Variants in DYNC2I1 observed in about 807,000 individuals in gnomAD.
DYNC2I1 encodes the protein dynein 2 intermediate chain 1.
In DYNC2I1, 89 loss-of-function variants were observed where a neutral mutation model predicts 133.4. That is an observed-to-expected ratio of 0.67 (90% confidence interval 0.56 to 0.80). The LOEUF is 0.80. DYNC2I1 is among the 30% of genes least tolerant of loss of function. The pLI, the probability that DYNC2I1 is intolerant of heterozygous loss-of-function variation, is 0.00. For synonymous variants in DYNC2I1, 504 were observed against 484.3 expected, an observed-to-expected ratio of 1.04 and a Z score of -0.54; for missense variants, 1,291 against 1,314.5, an observed-to-expected ratio of 0.98 and a Z score of 0.28.
At chr7:158,864,511 T>C (rs1842227608) in intron 1 of DYNC2I1, among the ~76,000 whole-genome samples, 1 of 152,134 alleles carries the variant, frequency 6.6e-6, no homozygotes, top group Non-Finnish European at 1.5e-5. Context: ...CGCTTTCCTC[T>C]GTTTATTTTT....
chr7:158,936,682 CTCAA>C (rs1850790534), intron 23 of DYNC2I1, among the ~76,000 whole-genome samples: 4 of 152,228 alleles, frequency 2.6e-5, no homozygotes, highest in Admixed American at 2.6e-4. Context: ...AAAGGAGGCA[CTCAA>C]TCAGAGTGGC....
intron 5 of DYNC2I1, among the ~76,000 whole-genome samples, chr7:158,880,923 T>G (rs993103092): frequency 6.6e-6 from 1 of 152,186 alleles, no homozygotes; most frequent in African/African-American, 2.4e-5. Context: ...AGTCAGGTGG[T>G]ATCTGAGGCT....
chr7:158,859,035 AC>A (rs1193300670), intron 1 of DYNC2I1, among the ~76,000 whole-genome samples: 1 of 115,842 alleles, frequency 8.6e-6, no homozygotes, highest in Non-Finnish European at 1.7e-5. Flanking sequence ...TTGCTCTTTC[AC>A]CCAAGTTGGA....
downstream of DYNC2I1, among the ~76,000 whole-genome samples, chr7:158,949,630 AGCAGGAGGT>A (rs1213065024): frequency 2.0e-5 from 2 of 98,756 alleles, no homozygotes; most frequent in African/African-American, 3.0e-5. Flanking sequence ...AGTTCAGCGG[AGCAGGAGGT>A]GCAGGCGGCG....
At chr7:158,868,159 A>C (rs2129477064) in intron 1 of DYNC2I1, among the ~76,000 whole-genome samples, 1 of 152,248 alleles carries the variant, frequency 6.6e-6, no homozygotes, top group East Asian at 1.9e-4. Context: ...AATCAGCTTG[A>C]CTTGTAAAGG....
At chr7:158,887,354 CAGAA>C (rs1844704084) in intron 7 of DYNC2I1, among the ~76,000 whole-genome samples, 1 of 152,136 alleles carries the variant, frequency 6.6e-6, no homozygotes, top group African/African-American at 2.4e-5. Flanking sequence ...GATTTTGAGA[CAGAA>C]AGTGTTACTA....
chr7:158,952,797 C>T (rs1050002442), intron 4 of DYNC2I1, among the ~76,000 whole-genome samples: 3 of 152,038 alleles, frequency 2.0e-5, no homozygotes, highest in Non-Finnish European at 4.4e-5. Context: ...AGACAGAATC[C>T]GCACCTTCAT....
At chr7:158,949,828 A>G (rs923305398), downstream of DYNC2I1, among the ~76,000 whole-genome samples, 4 of 151,640 alleles carry the variant, frequency 2.6e-5, no homozygotes, top group African/African-American at 9.7e-5. Context: ...CTGGAGTGCA[A>G]TGGCGCAATC....
At chr7:158,926,606 A>G in intron 19 of DYNC2I1, 143 bp downstream of exon 19, 1 of 941,792 alleles carries the variant, frequency 1.1e-6, no homozygotes, top group Non-Finnish European at 1.6e-6. Context: ...GGTCCTGAGC[A>G]GAAGGGATGC....
chr7:158,915,784 A>T lies in DYNC2I1; in HGVS notation c.1791+1463A>T, dbSNP rs1455831345. 4.8e-5 allele frequency among the ~76,000 whole-genome samples: 7 copies of T among 146,530 alleles called. No homozygotes were observed. In the East Asian group the frequency reaches 9.9e-4, roughly 21 times the overall value. On this transcript the variant is annotated intron_variant, in intron 14 of 24. Coordinates refer to ENST00000407559, the MANE Select transcript of DYNC2I1 (RefSeq NM_018051.5). ...GTCTACACGCTGGTTGAGATTAAGG[A>T]TGATTGTGAAACGTCGACACGCTGG...
chr7:158,924,718 A>C (rs1006861783), intron 17 of DYNC2I1, among the ~76,000 whole-genome samples: 2 of 152,124 alleles, frequency 1.3e-5, no homozygotes, highest in Non-Finnish European at 2.9e-5. Context: ...GTAAATCTCT[A>C]GACTGTACAT....
intron 1 of DYNC2I1, among the ~76,000 whole-genome samples, chr7:158,865,825 G>A (rs553311303): frequency 2.2e-4 from 34 of 152,270 alleles, no homozygotes; most frequent in African/African-American, 7.7e-4. Context: ...GTTTACATGT[G>A]GCAAGTGGGG....
At chr7:158,844,926 G>C in the DYNC2I1 span, among the ~76,000 whole-genome samples, 4 of 152,214 alleles carry the variant, frequency 2.6e-5, no homozygotes, top group East Asian at 7.7e-4. Flanking sequence ...CAGTCTAATT[G>C]CTCTCGTTCT....
chr7:158,885,372 C>G (rs1252497440), intron 6 of DYNC2I1, among the ~76,000 whole-genome samples: 2 of 149,148 alleles, frequency 1.3e-5, no homozygotes, highest in Non-Finnish European at 3.0e-5. Flanking sequence ...GACAGAGTCT[C>G]ACTTTGTTGC....
the DYNC2I1 span, among the ~76,000 whole-genome samples, chr7:158,845,146 G>A: frequency 6.6e-6 from 1 of 151,948 alleles, no homozygotes; most frequent in African/African-American, 2.4e-5. Context: ...GGATCCAACT[G>A]GTTTATTGTT....
chr7:158,900,965 A>G (rs760368110), intron 8 of DYNC2I1, among the ~76,000 whole-genome samples: 1 of 151,610 alleles, frequency 6.6e-6, no homozygotes, highest in African/African-American at 2.4e-5. Flanking sequence ...CCTGCTATCA[A>G]CTTTGTCTAT....
chr7:158,948,280 CG>C (rs1445372007), downstream of DYNC2I1, among the ~76,000 whole-genome samples: 2 of 152,242 alleles, frequency 1.3e-5, no homozygotes, highest in East Asian at 3.8e-4. Flanking sequence ...CGCTTCCACA[CG>C]GGGGTCTCCA....
At chr7:158,874,037 G>A (rs187355052) in intron 3 of DYNC2I1, among the ~76,000 whole-genome samples, 150 of 152,040 alleles carry the variant, frequency 9.9e-4, no homozygotes, top group African/African-American at 3.6e-3. Flanking sequence ...AGGATTATAG[G>A]CGTCAGCCAC....
chr7:158,906,516 T>C (rs534585797), intron 11 of DYNC2I1, among the ~76,000 whole-genome samples: 1 of 152,348 alleles, frequency 6.6e-6, no homozygotes, highest in Non-Finnish European at 1.5e-5. Flanking sequence ...TGGAGTGCAA[T>C]GGCACGATCT....
Sources: gnomAD v4.1 joint callset for allele counts (sites outside exome capture counted in the v4.1 genomes callset) on GRCh38, gnomAD v4.1.1 for gene constraint, MANE v1.5 for transcripts, NCBI Gene and HGNC (gene_info 2026-07-23, HGNC 2026-07-21) for gene names.